Variants in DYDC1 observed in about 807,000 individuals in gnomAD.
The protein encoded by DYDC1 is DPY30 domain containing 1, also known as DPY30 domain-containing protein 1.
DYDC1 carries 21 observed loss-of-function variants against 27.9 expected under a neutral mutation model. The observed-to-expected ratio is 0.75, with a 90% confidence interval of 0.53 to 1.08. The LOEUF (loss-of-function observed/expected upper bound fraction) is 1.08. DYDC1 is among the 50% of genes least tolerant of loss of function. DYDC1 has a pLI of 0.00. For missense variants in DYDC1, 202 were observed against 205.9 expected (o/e 0.98, Z 0.12); for synonymous variants, 67 against 65.8 (o/e 1.02, Z -0.09).
At position 80,356,630 on chromosome 10, in the gene DYDC1, CAG is replaced by C. The variant is rs1040110952; in HGVS notation, c.-10+80_-10+81del. 5 of 985,274 alleles carry C rather than the reference CAG, an allele frequency of 5.1e-6. No individual in the cohort carries two copies. The African/African-American group carries it at 8.7e-5, about 17-fold the overall frequency. The allele number at this position is 985,274 out of a possible 1,614,324, so 61.0% of individuals were successfully genotyped here. ...TGCTCGACGCCCAAGGCCCAACGGTCAGAACCGCCTCTGCCCGCCGGACCCAG... is the reference window on the plus strand; with the variant it reads ...TGCTCGACGCCCAAGGCCCAACGGTCAACCGCCTCTGCCCGCCGGACCCAG... On this transcript the variant is annotated intron_variant, in intron 1 of 6. Transcript: ENST00000372202.
rs1842362586 is a variant in DYDC1 at position 80,342,352 on chromosome 10, C to T, written c.259G>A (p.Ala87Thr). The change falls in exon 4 of 7, where the codon GCA becomes ACA. Residue 87 changes from alanine to threonine, a missense_variant. Ala to Thr is a moderately conservative substitution (Grantham distance 58). Transcript: ENST00000372202. Reference sequence around the variant, plus strand: ...TGCATTTCCAACTCTAGCTGCAATGCCAGCTGTTGCTGAATATTCAGAAAT... The same window carrying T: ...TGCATTTCCAACTCTAGCTGCAATGTCAGCTGTTGCTGAATATTCAGAAAT... Reference protein sequence around the residue: ...EELLLQQQQLALQLELEMQEK... With the variant: ...EELLLQQQQLTLQLELEMQEK... 6.2e-7 allele frequency: 1 copy of T among 1,613,240 alleles called. No homozygotes were observed. Among genetic ancestry groups the T allele is most frequent in the Non-Finnish European group, 8.5e-7 (1 of 1,179,798 alleles).
At position 80,338,502 on chromosome 10, in the gene DYDC1, T is replaced by C; in HGVS notation, c.469A>G (p.Arg157Gly). The C allele has an allele frequency of 1.9e-6, 3 of 1,613,282 alleles. No homozygotes were observed. The highest frequency in any genetic ancestry group is 2.5e-6 in the Non-Finnish European group (3 of 1,179,668). ...SDRYGAPNLS[R>G]VEELDEPMFS... The stretch of plus-strand genomic sequence containing the variant: ...ATTGGTTCATCAAGTTCTTCCACTC[T>C]GCTCAAGTTAGGTGCTCCATAACGA... The change falls in exon 6 of 7, where the codon AGA becomes GGA. Residue 157 changes from arginine to glycine, a missense_variant. Coordinates refer to ENST00000372202, the MANE Select transcript of DYDC1 (RefSeq NM_001269053.2).
intron 4 of DYDC1, among the ~76,000 whole-genome samples, chr10:80,340,369 G>T (rs1398963277): frequency 1.3e-5 from 2 of 152,220 alleles, no homozygotes; most frequent in African/African-American, 4.8e-5. Flanking sequence ...TCTGAGCAAT[G>T]GGCGAGGGAG....
intron 1 of DYDC1, 101 bp from the exon 2 acceptor site, chr10:80,352,711 C>T: frequency 2.2e-6 from 3 of 1,364,750 alleles, no homozygotes; most frequent in Admixed American, 3.2e-5. Flanking sequence ...TACACCCTGC[C>T]CTCAGTCATG....
chr10:80,336,233 T>C (rs1274346574), intron 6 of DYDC1, 48 bp from the exon 7 acceptor site: 5 of 1,524,018 alleles, frequency 3.3e-6, no homozygotes, highest in Non-Finnish European at 4.4e-6. Flanking sequence ...ATTAGAACTG[T>C]GAAAAGGCAC....
chr10:80,350,365 G>A (rs1013674487), intron 3 of DYDC1, among the ~76,000 whole-genome samples: 3 of 152,144 alleles, frequency 2.0e-5, no homozygotes, highest in African/African-American at 4.8e-5. Flanking sequence ...GAGAACCTCT[G>A]GGAATTCTCT....
chr10:80,338,132 G>T (rs754657153), intron 6 of DYDC1: 1 of 985,362 alleles, frequency 1.0e-6, no homozygotes, highest in African/African-American at 1.7e-5. Flanking sequence ...CATTAATTTG[G>T]TTCCAGGGTT....
In DYDC1 at chr10:80,338,144, G is replaced by C. The variant is rs944357046; in HGVS notation, c.504+323C>G. ...AGGCATTAATTTGGTTCCAGGGTTT[G>C]CTACTGAGAACAAAAATCGTGCCCC... is the stretch of plus-strand genomic sequence containing the variant. On this transcript the variant is annotated intron_variant, in intron 6 of 6. Transcript: ENST00000372202. The C allele has an allele frequency of 5.1e-6, 5 of 985,304 alleles. No homozygotes were observed. In the Admixed American group the frequency reaches 3.1e-4, roughly 61 times the overall value. The allele number at this position is 985,304 out of a possible 1,614,324, so 61.0% of individuals were successfully genotyped here. A position where few individuals can be genotyped will look rare whatever the true frequency, so the allele number is the denominator to read the frequency against.
At chr10:80,342,456 T>A (rs1842367791) in intron 3 of DYDC1, 95 bp from the exon 4 acceptor site, 1 of 1,142,100 alleles carries the variant, frequency 8.8e-7, no homozygotes, top group Non-Finnish European at 1.2e-6. Context: ...CAATACATGG[T>A]CACATCCAAC....
chr10:80,340,688 A>T (rs1338729357), intron 4 of DYDC1, among the ~76,000 whole-genome samples: 1 of 152,112 alleles, frequency 6.6e-6, no homozygotes, highest in Non-Finnish European at 1.5e-5. Flanking sequence ...CTTTTTCAAA[A>T]TTTCTTTAAT....
chr10:80,337,439 C>G, intron 6 of DYDC1: 3 of 985,344 alleles, frequency 3.0e-6, no homozygotes, highest in Non-Finnish European at 3.6e-6. Context: ...ACATCTTGTC[C>G]CCTAGATTAC....
chr10:80,352,729 C>G, intron 1 of DYDC1, 119 bp from the exon 2 acceptor site: 1 of 1,265,860 alleles, frequency 7.9e-7, no homozygotes, highest in Non-Finnish European at 1.0e-6. Flanking sequence ...ATGGACACCT[C>G]CCATTGGGGG....
intron 3 of DYDC1, 128 bp from the exon 4 acceptor site, chr10:80,342,489 G>T: frequency 1.4e-6 from 1 of 700,716 alleles, no homozygotes; most frequent in South Asian, 3.1e-5. Flanking sequence ...TTCTACAAAT[G>T]CTTCCTGAAG....
rs372571737 is a variant in DYDC1 at position 80,338,567 on chromosome 10, G to A, written c.404C>T (p.Ala135Val). The change falls in exon 6 of 7, where the codon GCA becomes GTA. Residue 135 changes from alanine (A) to valine (V), a missense_variant. Coordinates refer to ENST00000372202, the MANE Select transcript of DYDC1 (RefSeq NM_001269053.2). ...TAGTGTTTTGCCTGAGTCTAGTGTT[G>A]CTTCCTACAATCAAAAAATTGATTT... ...RNEDILHSEEATLDSGKTLAE... is the reference protein window; with the variant it reads ...RNEDILHSEEVTLDSGKTLAE... The A allele has an allele frequency of 1.3e-6, 2 of 1,540,328 alleles. No individual in the cohort carries two copies. Among genetic ancestry groups the A allele is most frequent in the Non-Finnish European group, 1.7e-6 (2 of 1,149,288 alleles).
intron 3 of DYDC1, among the ~76,000 whole-genome samples, chr10:80,347,393 A>C (rs1842734187): frequency 6.7e-6 from 1 of 148,584 alleles, no homozygotes; most frequent in Non-Finnish European, 1.5e-5. Flanking sequence ...ATCTTCTCCC[A>C]ATCCATAGGC....
At position 80,342,273 on chromosome 10, in the gene DYDC1, C is replaced by A; in HGVS notation, c.338G>T (p.Gly113Val). 1.2e-6 allele frequency: 2 copies of A among 1,613,292 alleles called. No homozygotes were observed. Among genetic ancestry groups the A allele is most frequent in the Non-Finnish European group, 1.7e-6 (2 of 1,179,722 alleles). ...QELQRAQEQL[G>V]KEMRMNMENL... ...ATTTATAAAACTTCAAATTACCTTG[C>A]CTAATTGTTCTTGAGCTCTCTGTAG... Residue 113 changes from glycine to valine, a missense_variant, in exon 4 of 7, where the codon GGC (glycine) becomes GTC (valine). Coordinates refer to ENST00000372202, the MANE Select transcript of DYDC1 (RefSeq NM_001269053.2).
At chr10:80,336,363 A>G (rs1842136137) in intron 6 of DYDC1, 178 bp from the exon 7 acceptor site, 1 of 979,236 alleles carries the variant, frequency 1.0e-6, no homozygotes, top group Non-Finnish European at 1.2e-6. Context: ...ATGTTCTCAA[A>G]GTAGTTATTG....
chr10:80,337,016 A>C (rs148111397), intron 6 of DYDC1: 9,162 of 611,972 alleles, frequency 0.015, 76 homozygotes, highest in Non-Finnish European at 0.018. Context: ...GGCAACATAC[A>C]AGACCCAGTG....
rs574471606 is a variant in DYDC1 at position 80,353,867 on chromosome 10, G to C, written c.-9-1257C>G. Among the ~76,000 whole-genome samples the C allele has an allele frequency of 1.6e-4, 25 of 152,194 alleles. No homozygotes were observed. The East Asian group carries it at 4.8e-3, about 29-fold the overall frequency. On this transcript the variant is annotated intron_variant, in intron 1 of 6. Coordinates refer to ENST00000372202, the MANE Select transcript of DYDC1 (RefSeq NM_001269053.2). ...TCTCTTTTCTGACTCTTGGACTTGAGAGTCCTTCAGGATTTTGAAACCATG... is the reference window on the plus strand; with the variant it reads ...TCTCTTTTCTGACTCTTGGACTTGACAGTCCTTCAGGATTTTGAAACCATG...
Sources: allele counts gnomAD v4.1 joint callset (sites outside exome capture counted in the v4.1 genomes callset), GRCh38; gene constraint gnomAD v4.1.1; transcripts MANE v1.5; gene names NCBI Gene and HGNC (gene_info 2026-07-23, HGNC 2026-07-21).